CCBE1: variants seen among roughly 807,000 people sequenced by gnomAD.
The protein encoded by CCBE1 is collagen and calcium-binding EGF domain-containing protein 1.
A neutral mutation model predicts 50.0 loss-of-function variants in CCBE1; 37 were observed. That is an observed-to-expected ratio of 0.74 (90% CI 0.57 to 0.97). The LOEUF (loss-of-function observed/expected upper bound fraction) is 0.97, where lower values mean the gene tolerates loss of function less well. CCBE1 is among the 50% of genes least tolerant of loss of function. The pLI, the probability that CCBE1 is intolerant of heterozygous loss-of-function variation, is 0.00. For missense variants in CCBE1, 538 were observed against 523.8 expected, an observed-to-expected ratio of 1.03 and a Z score of -0.26; for synonymous variants, 234 against 203.7, an observed-to-expected ratio of 1.15 and a Z score of -1.27.
chr18:59,468,781 G>A (rs777177936), intron 4 of CCBE1, among the ~76,000 whole-genome samples: 5 of 151,832 alleles, frequency 3.3e-5, no homozygotes, highest in Non-Finnish European at 7.4e-5. Flanking sequence ...GTGTAAATAT[G>A]CACGTCTGGA....
intron 2 of CCBE1, among the ~76,000 whole-genome samples, chr18:59,598,782 G>A (rs1047753675): frequency 3.9e-5 from 6 of 152,160 alleles, no homozygotes; most frequent in Admixed American, 2.0e-4. Flanking sequence ...TGGAGATCGG[G>A]CTCAATTCCA....
rs1909975922 is a variant in CCBE1 at position 59,432,409 on chromosome 18, A to C, written c.*3499T>G. 6.6e-6 allele frequency: 1 copy of C among 152,210 alleles called. No homozygotes were observed. The highest frequency in any genetic ancestry group is 1.5e-5 in the Non-Finnish European group (1 of 68,036). The allele number at this position is 152,210 out of a possible 1,614,324, so 9.4% of individuals were successfully genotyped here. A position where few individuals can be genotyped will look rare whatever the true frequency, so the allele number is the denominator to read the frequency against. On this transcript the variant is annotated 3_prime_UTR_variant, in exon 11 of 11. Coordinates refer to ENST00000439986, the MANE Select transcript of CCBE1 (RefSeq NM_133459.4). The stretch of plus-strand genomic sequence containing the variant: ...GGTGTACAAAGATCTTTTTCCCTAT[A>C]AAACATGAAATGACCTAGAAGCACT...
intron 2 of CCBE1, among the ~76,000 whole-genome samples, chr18:59,625,569 T>C (rs1056755447): frequency 1.3e-5 from 2 of 152,104 alleles, no homozygotes; most frequent in East Asian, 1.9e-4. Flanking sequence ...CTTTAAAATA[T>C]AATCAAGGAG....
intron 6 of CCBE1, among the ~76,000 whole-genome samples, chr18:59,449,000 G>A (rs570213858): frequency 2.6e-5 from 4 of 152,174 alleles, no homozygotes; most frequent in South Asian, 2.1e-4. Flanking sequence ...AGTGAGTGAG[G>A]GAAATGTATC....
intron 2 of CCBE1, among the ~76,000 whole-genome samples, chr18:59,688,720 T>A (rs1013227539): frequency 6.6e-6 from 1 of 152,224 alleles, no homozygotes; most frequent in Non-Finnish European, 1.5e-5. Context: ...TTAGGAATGA[T>A]GACTTGAAAG....
At position 59,653,730 on chromosome 18, in the gene CCBE1, G is replaced by T. The variant is rs564082178; in HGVS notation, c.212+42899C>A. 7.2e-5 allele frequency among the ~76,000 whole-genome samples: 11 copies of T among 152,292 alleles called. No individual in the cohort carries two copies. The East Asian group carries it at 1.7e-3, about 24-fold the overall frequency. ...AAAAATCCCACGCTGACATCCAGGG[G>T]TTAAATTCAGAACCAGGCACAGCAC... On this transcript the variant is annotated intron_variant, in intron 2 of 10. Coordinates refer to ENST00000439986, the MANE Select transcript of CCBE1 (RefSeq NM_133459.4).
chr18:59,687,198 T>C (rs1470190527), intron 2 of CCBE1, among the ~76,000 whole-genome samples: 1 of 152,228 alleles, frequency 6.6e-6, no homozygotes, highest in Non-Finnish European at 1.5e-5. Context: ...GTGTGGTCTG[T>C]GCTGGCTTAC....
chr18:59,597,299 G>C (rs2053366366), intron 2 of CCBE1, among the ~76,000 whole-genome samples: 1 of 152,246 alleles, frequency 6.6e-6, no homozygotes, highest in Admixed American at 6.5e-5. Context: ...GCCTGGGCAT[G>C]CAATACATGC....
At chr18:59,487,145 G>T (rs905594741) in intron 2 of CCBE1, among the ~76,000 whole-genome samples, 7 of 147,844 alleles carry the variant, frequency 4.7e-5, no homozygotes, top group African/African-American at 1.8e-4. Flanking sequence ...TGGCTTCCTC[G>T]CACTGTCAAC....
chr18:59,593,816 A>T (rs1342744840), intron 2 of CCBE1, among the ~76,000 whole-genome samples: 1 of 152,248 alleles, frequency 6.6e-6, no homozygotes, highest in Non-Finnish European at 1.5e-5. Flanking sequence ...CTGGGACATG[A>T]GTTGACAACC....
At chr18:59,665,975 C>T (rs1378717158) in intron 2 of CCBE1, 1 of 152,250 alleles carries the variant, frequency 6.6e-6, no homozygotes, top group East Asian at 1.9e-4. Flanking sequence ...ATGATTCAGT[C>T]TACCCACGGA....
chr18:59,515,372 TC>T (rs1332577326), intron 2 of CCBE1, among the ~76,000 whole-genome samples: 2 of 152,234 alleles, frequency 1.3e-5, no homozygotes, highest in African/African-American at 4.8e-5. Context: ...AAGCACTGTC[TC>T]TACACCCAGG....
rs571834562 is a variant in CCBE1 at position 59,581,804 on chromosome 18, T to C, written c.213-101566A>G. Among the ~76,000 whole-genome samples, 83 of 152,282 alleles carry C rather than the reference T, an allele frequency of 5.5e-4. 1 individual carries two copies. Among genetic ancestry groups the C allele is most frequent in the African/African-American group, 1.9e-3 (79 of 41,556 alleles). On this transcript the variant is annotated intron_variant, in intron 2 of 10. Coordinates refer to ENST00000439986, the MANE Select transcript of CCBE1 (RefSeq NM_133459.4). ...CCACCTACTAAATGTCAGTAGCATTTATTATAGTTGTGACAACCAAAAATG... is the reference window on the plus strand; with the variant it reads ...CCACCTACTAAATGTCAGTAGCATTCATTATAGTTGTGACAACCAAAAATG...
At chr18:59,658,153 AG>A (rs1371174984) in intron 2 of CCBE1, among the ~76,000 whole-genome samples, 1 of 149,832 alleles carries the variant, frequency 6.7e-6, no homozygotes, top group Non-Finnish European at 1.5e-5. Flanking sequence ...GGCTACTGTG[AG>A]GATGAAATGA....
chr18:59,676,990 A>T (rs920630479), intron 2 of CCBE1, among the ~76,000 whole-genome samples: 2 of 152,184 alleles, frequency 1.3e-5, no homozygotes, highest in Non-Finnish European at 2.9e-5. Flanking sequence ...GTGGAGAGGA[A>T]GACAGGGGCC....
chr18:59,622,550 C>T (rs2053726615), intron 2 of CCBE1, among the ~76,000 whole-genome samples: 1 of 150,968 alleles, frequency 6.6e-6, no homozygotes, highest in Non-Finnish European at 1.5e-5. Flanking sequence ...CACCTGTAAT[C>T]CCAGCACTTT....
At chr18:59,547,892 G>C (rs1429117339) in intron 2 of CCBE1, among the ~76,000 whole-genome samples, 1 of 152,194 alleles carries the variant, frequency 6.6e-6, no homozygotes, top group Non-Finnish European at 1.5e-5. Context: ...TGTTCTCACA[G>C]GAAAGTGCAA....
chr18:59,653,848 T>C (rs1378760942), intron 2 of CCBE1, among the ~76,000 whole-genome samples: 1 of 152,244 alleles, frequency 6.6e-6, no homozygotes, highest in Non-Finnish European at 1.5e-5. Flanking sequence ...TAGGAAATCG[T>C]ATCAGAGATA....
intron 3 of CCBE1, among the ~76,000 whole-genome samples, chr18:59,470,082 G>A (rs552054385): frequency 6.6e-6 from 1 of 152,284 alleles, no homozygotes; most frequent in South Asian, 2.1e-4. Context: ...GGGGCTTTGT[G>A]TATACATGTC....
Sources: allele counts gnomAD v4.1 joint callset (sites outside exome capture counted in the v4.1 genomes callset), GRCh38; gene constraint gnomAD v4.1.1; transcripts MANE v1.5; gene names NCBI Gene and HGNC (gene_info 2026-07-23, HGNC 2026-07-21).